MAF: variants seen among roughly 807,000 people sequenced by gnomAD.
MAF encodes the protein transcription factor Maf.
In MAF, 10 loss-of-function variants were observed where a neutral mutation model predicts 22.0. The ratio of observed to expected loss-of-function variants is 0.45; its 90% confidence interval spans 0.28 to 0.77. The LOEUF (loss-of-function observed/expected upper bound fraction) is 0.77, where lower values mean the gene tolerates loss of function less well. Ranked by LOEUF, MAF falls within the 30% of genes least tolerant of loss-of-function variation. The pLI, the probability that MAF is intolerant of heterozygous loss-of-function variation, is 0.12. For synonymous variants in MAF, 337 were observed against 255.8 expected (o/e 1.32, Z -3.03); for missense variants, 544 against 548.4 (o/e 0.99, Z 0.08).
the MAF span, among the ~76,000 whole-genome samples, chr16:79,229,646 C>T: frequency 3.3e-5 from 5 of 151,974 alleles, no homozygotes; most frequent in Admixed American, 1.3e-4. Context: ...AGACTCGTGG[C>T]GAGCAGCACC....
the MAF span, among the ~76,000 whole-genome samples, chr16:79,412,420 G>C: frequency 1.3e-5 from 2 of 152,198 alleles, no homozygotes; most frequent in Non-Finnish European, 2.9e-5. Context: ...ACACAGCCTT[G>C]ACAGACATTG....
chr16:79,289,935 CA>C, the MAF span, among the ~76,000 whole-genome samples: 1 of 148,236 alleles, frequency 6.7e-6, no homozygotes, highest in Non-Finnish European at 1.5e-5. Context: ...CAGCTCACTG[CA>C]ACCTCCACCT....
intron 1 of MAF, chr16:79,595,686 A>G: frequency 9.5e-7 from 1 of 1,058,140 alleles, no homozygotes. Flanking sequence ...TGGGGTAAAT[A>G]CCAGTAAATC....
At chr16:79,538,778 A>G in the MAF span, among the ~76,000 whole-genome samples, 1 of 151,768 alleles carries the variant, frequency 6.6e-6, no homozygotes, top group Non-Finnish European at 1.5e-5. Flanking sequence ...GTGAGCTGAG[A>G]TCACACCACT....
At chr16:79,311,898 G>A in the MAF span, among the ~76,000 whole-genome samples, 1 of 152,168 alleles carries the variant, frequency 6.6e-6, no homozygotes, top group Non-Finnish European at 1.5e-5. Context: ...AGAGCCCTTA[G>A]CAATCTCTCA....
At chr16:79,477,864 A>C in the MAF span, among the ~76,000 whole-genome samples, 6 of 151,890 alleles carry the variant, frequency 4.0e-5, no homozygotes, top group African/African-American at 1.5e-4. Context: ...AGCTGGGACT[A>C]CAGGCGCGTG....
the MAF span, among the ~76,000 whole-genome samples, chr16:79,468,272 G>C: frequency 6.6e-6 from 1 of 152,200 alleles, no homozygotes; most frequent in Non-Finnish European, 1.5e-5. Flanking sequence ...CGTCCAAGAA[G>C]TGCCTTCCCC....
At chr16:79,473,549 G>C in the MAF span, among the ~76,000 whole-genome samples, 6 of 152,162 alleles carry the variant, frequency 3.9e-5, no homozygotes, top group African/African-American at 9.7e-5. Flanking sequence ...GGCATGGAGA[G>C]AGGACACATC....
chr16:79,228,794 G>C, the MAF span, among the ~76,000 whole-genome samples: 2 of 151,906 alleles, frequency 1.3e-5, no homozygotes, highest in African/African-American at 4.8e-5. Flanking sequence ...GGGGGGTTAG[G>C]GCAGGGGGAG....
chr16:79,490,587 T>C, the MAF span, among the ~76,000 whole-genome samples: 2 of 149,690 alleles, frequency 1.3e-5, no homozygotes, highest in Non-Finnish European at 1.5e-5. Flanking sequence ...TAAATGAATA[T>C]AGAAGTATAT....
the MAF span, among the ~76,000 whole-genome samples, chr16:79,339,044 A>G: frequency 6.6e-5 from 10 of 151,710 alleles, no homozygotes; most frequent in East Asian, 1.9e-3. Flanking sequence ...AGGCTTTTTA[A>G]TTTTTTATTT....
At chr16:79,591,874 T>C (rs904181764), downstream of MAF, among the ~76,000 whole-genome samples, 1 of 152,242 alleles carries the variant, frequency 6.6e-6, no homozygotes, top group Non-Finnish European at 1.5e-5. Context: ...TTTATAAATA[T>C]ACTCAAATGT....
the MAF span, among the ~76,000 whole-genome samples, chr16:79,211,163 T>C: frequency 7.2e-5 from 11 of 152,214 alleles, no homozygotes; most frequent in Admixed American, 2.0e-4. Context: ...TTCTACCTGA[T>C]GGACCACAAT....
the MAF span, among the ~76,000 whole-genome samples, chr16:79,458,646 G>A: frequency 2.0e-5 from 3 of 152,270 alleles, no homozygotes; most frequent in South Asian, 2.1e-4. Context: ...AGCATGAATT[G>A]TCCTTTTACA....
chr16:79,547,830 T>A, the MAF span, among the ~76,000 whole-genome samples: 6 of 152,146 alleles, frequency 3.9e-5, no homozygotes, highest in Admixed American at 3.9e-4. Flanking sequence ...GTCTCCTCTG[T>A]AGCAAACTCA....
At chr16:79,593,203 G>C (rs891293188), downstream of MAF, among the ~76,000 whole-genome samples, 1 of 152,228 alleles carries the variant, frequency 6.6e-6, no homozygotes, top group Non-Finnish European at 1.5e-5. Flanking sequence ...CCAAGAGTAT[G>C]TGAATACGGA....
At chr16:79,495,377 C>T in the MAF span, among the ~76,000 whole-genome samples, 1 of 152,136 alleles carries the variant, frequency 6.6e-6, no homozygotes, top group African/African-American at 2.4e-5. Flanking sequence ...GTAGGAGGAT[C>T]ACTTGAGCCC....
chr16:79,212,202 T>C, the MAF span: 8 of 1,450,556 alleles, frequency 5.5e-6, no homozygotes, highest in Non-Finnish European at 7.2e-6. Flanking sequence ...TTCTCCTACT[T>C]AGGGAAGAAA....
chr16:79,251,297 T>G, the MAF span, among the ~76,000 whole-genome samples: 1 of 149,826 alleles, frequency 6.7e-6, no homozygotes, highest in Non-Finnish European at 1.5e-5. Flanking sequence ...ATGGTTATTA[T>G]TTCTTTTTAA....
Sources: allele counts gnomAD v4.1 joint callset (sites outside exome capture counted in the v4.1 genomes callset), GRCh38; gene constraint gnomAD v4.1.1; transcripts MANE v1.5; gene names NCBI Gene and HGNC (gene_info 2026-07-23, HGNC 2026-07-21).